Variants in PPEF1 observed in about 807,000 individuals in gnomAD.
PPEF1 encodes protein phosphatase with EF-hand domain 1.
PPEF1 carries 12 observed loss-of-function variants against 53.3 expected under a neutral mutation model. The ratio of observed to expected loss-of-function variants is 0.23; its 90% CI spans 0.14 to 0.36. PPEF1 has a LOEUF of 0.36. PPEF1 is among the 10% of genes least tolerant of loss of function. PPEF1 has a pLI of 1.00. For synonymous variants in PPEF1, 165 were observed against 176.7 expected (o/e 0.93, Z 0.52); for missense variants, 334 against 490.4 (o/e 0.68, Z 3.01).
At chrX:18,757,803 G>C in intron 5 of PPEF1, 62 bp downstream of exon 5, 7 of 851,932 alleles carry the variant, frequency 8.2e-6, no homozygotes, top group Non-Finnish European at 1.0e-5. Context: ...TACATCGTTT[G>C]CCTAACTTGA....
At chrX:18,787,030 G>A (rs2046219315) in intron 9 of PPEF1, among the ~76,000 whole-genome samples, 1 of 111,291 alleles carries the variant, frequency 9.0e-6, no homozygotes, top group South Asian at 3.7e-4. Flanking sequence ...AATTCAACTT[G>A]TATATTGTTT....
At chrX:18,727,869 A>T (rs1395276155) in intron 1 of PPEF1, among the ~76,000 whole-genome samples, 1 of 111,952 alleles carries the variant, frequency 8.9e-6, no homozygotes, top group African/African-American at 3.2e-5. Flanking sequence ...AGATAAAGAG[A>T]TGCATAGGGC....
intron 13 of PPEF1, among the ~76,000 whole-genome samples, chrX:18,822,892 G>A (rs181361001): frequency 1.3e-3 from 149 of 111,461 alleles, no homozygotes; most frequent in Non-Finnish European, 2.2e-3. Flanking sequence ...TTGAGAATCT[G>A]TATCTAAAAG....
intron 1 of PPEF1, among the ~76,000 whole-genome samples, chrX:18,708,276 C>T (rs1013926051): frequency 9.0e-6 from 1 of 111,726 alleles, no homozygotes; most frequent in African/African-American, 3.2e-5. Context: ...ATTTGCATCA[C>T]GTTTTAAAAA....
At chrX:18,745,210 A>T (rs1297767831) in intron 3 of PPEF1, among the ~76,000 whole-genome samples, 7 of 93,174 alleles carry the variant, frequency 7.5e-5, no homozygotes, top group East Asian at 6.2e-4. Flanking sequence ...AATATATATT[A>T]TATATATATA....
chrX:18,718,393 A>G (rs2044506764), intron 1 of PPEF1, among the ~76,000 whole-genome samples: 1 of 109,721 alleles, frequency 9.1e-6, no homozygotes, highest in Non-Finnish European at 1.9e-5. Flanking sequence ...CAACATAGCA[A>G]TACCTCGTCT....
intron 1 of PPEF1, among the ~76,000 whole-genome samples, chrX:18,712,004 G>T (rs1465150003): frequency 9.0e-6 from 1 of 111,523 alleles, no homozygotes; most frequent in Non-Finnish European, 1.9e-5. Context: ...CGCCCGCCTT[G>T]GCCTCCCAAA....
chrX:18,760,478 C>G (rs1331782608), intron 5 of PPEF1, among the ~76,000 whole-genome samples: 1 of 111,603 alleles, frequency 9.0e-6, no homozygotes, highest in African/African-American at 3.3e-5. Context: ...TACTGAGTGC[C>G]TCTTATCCAC....
intron 4 of PPEF1, among the ~76,000 whole-genome samples, chrX:18,754,624 G>T (rs2045510047): frequency 9.0e-6 from 1 of 111,453 alleles, no homozygotes; most frequent in African/African-American, 3.3e-5. Flanking sequence ...TAAAGGCAGG[G>T]TCACACTCTG....
intron 3 of PPEF1, among the ~76,000 whole-genome samples, chrX:18,688,380 C>T (rs1929187715): frequency 8.9e-6 from 1 of 112,395 alleles, no homozygotes; most frequent in African/African-American, 3.2e-5. Flanking sequence ...CCAGAGCTTC[C>T]GTCAGAAAAT....
chrX:18,787,989 G>A (rs1302694547), intron 9 of PPEF1, among the ~76,000 whole-genome samples: 1 of 110,915 alleles, frequency 9.0e-6, no homozygotes, highest in African/African-American at 3.3e-5. Context: ...AAAAATAAAG[G>A]TAAGATTTCC....
At chrX:18,714,034 T>G (rs1229437609) in intron 1 of PPEF1, among the ~76,000 whole-genome samples, 1 of 111,472 alleles carries the variant, frequency 9.0e-6, no homozygotes, top group Admixed American at 9.6e-5. Flanking sequence ...TATTTCTATA[T>G]TCAGGTGATT....
At chrX:18,767,371 C>G (rs1377579318) in intron 6 of PPEF1, among the ~76,000 whole-genome samples, 1 of 111,301 alleles carries the variant, frequency 9.0e-6, no homozygotes, top group African/African-American at 3.3e-5. Context: ...ATGGTGAAAC[C>G]CTGTCCCTAC....
At chrX:18,750,035 G>A in intron 4 of PPEF1, 83 bp downstream of exon 4, 1 of 883,291 alleles carries the variant, frequency 1.1e-6, no homozygotes, top group Admixed American at 2.6e-5. Flanking sequence ...ACATACCACA[G>A]CAGAGATGCA....
At chrX:18,826,160 C>G (rs942254600) in intron 15 of PPEF1, among the ~76,000 whole-genome samples, 3 of 111,016 alleles carry the variant, frequency 2.7e-5, no homozygotes, top group African/African-American at 9.8e-5. Context: ...CATGATGAAA[C>G]TTGAGGGGAA....
At chrX:18,715,897 A>C (rs756788261) in intron 1 of PPEF1, among the ~76,000 whole-genome samples, 2 of 112,252 alleles carry the variant, frequency 1.8e-5, no homozygotes, top group African/African-American at 3.2e-5. Context: ...TTGACACTTA[A>C]AATTTTATGT....
chrX:18,717,395 T>C (rs2044482483), intron 1 of PPEF1, among the ~76,000 whole-genome samples: 1 of 108,985 alleles, frequency 9.2e-6, no homozygotes, highest in South Asian at 4.0e-4. Context: ...TTGTCCAAAA[T>C]TGCCCTTTGT....
At chrX:18,739,420 A>C (rs5955639) in intron 3 of PPEF1, among the ~76,000 whole-genome samples, 1 of 112,064 alleles carries the variant, frequency 8.9e-6, no homozygotes, top group African/African-American at 3.2e-5. Context: ...TGTTTGCCTG[A>C]GTATCACCAG....
intron 11 of PPEF1, among the ~76,000 whole-genome samples, 162 bp downstream of exon 11, chrX:18,804,239 C>T (rs766581982): frequency 5.3e-4 from 59 of 111,254 alleles, no homozygotes; most frequent in Middle Eastern, 4.6e-3. Context: ...TTTGAAGGGG[C>T]CTCACTGTCC....
Sources: gnomAD v4.1 joint callset for allele counts (sites outside exome capture counted in the v4.1 genomes callset) on GRCh38, gnomAD v4.1.1 for gene constraint, MANE v1.5 for transcripts, NCBI Gene and HGNC (gene_info 2026-07-23, HGNC 2026-07-21) for gene names.